AP3B1: variants seen among roughly 807,000 people sequenced by gnomAD.
AP3B1 encodes adaptor related protein complex 3 subunit beta 1.
A neutral mutation model predicts 132.5 loss-of-function variants in AP3B1; 61 were observed. That is an observed-to-expected ratio of 0.46 (90% CI 0.37 to 0.57). The LOEUF is 0.57. AP3B1 is among the 20% of genes least tolerant of loss of function. The pLI, the probability that AP3B1 is intolerant of heterozygous loss-of-function variation, is 0.00. For synonymous variants in AP3B1, 388 were observed against 438.3 expected, an observed-to-expected ratio of 0.89 and a Z score of 1.43; for missense variants, 1,120 against 1,289.4, an observed-to-expected ratio of 0.87 and a Z score of 2.01.
At chr5:78,183,972 A>C (rs1055063826) in intron 7 of AP3B1, among the ~76,000 whole-genome samples, 1 of 151,736 alleles carries the variant, frequency 6.6e-6, no homozygotes. Context: ...GTTAGAGACC[A>C]GCCTGGCCAA....
chr5:78,292,521 G>A (rs1474058745), intron 1 of AP3B1, among the ~76,000 whole-genome samples: 1 of 152,192 alleles, frequency 6.6e-6, no homozygotes, highest in African/African-American at 2.4e-5. Context: ...TTCAAATTCA[G>A]GCAGTGCAAT....
intron 7 of AP3B1, among the ~76,000 whole-genome samples, chr5:78,190,984 T>C (rs1744802863): frequency 6.6e-6 from 1 of 152,174 alleles, no homozygotes; most frequent in Non-Finnish European, 1.5e-5. Flanking sequence ...CTGCTTCATT[T>C]TGAACCATAA....
At chr5:78,196,802 T>C (rs1745093217) in intron 7 of AP3B1, among the ~76,000 whole-genome samples, 1 of 152,214 alleles carries the variant, frequency 6.6e-6, no homozygotes, top group Admixed American at 6.5e-5. Context: ...TCCAGCTATA[T>C]GATATTTTGG....
intron 22 of AP3B1, among the ~76,000 whole-genome samples, chr5:78,052,710 T>C (rs1748633952): frequency 6.6e-6 from 1 of 152,178 alleles, no homozygotes; most frequent in Non-Finnish European, 1.5e-5. Context: ...GAAATTAATA[T>C]CCCATTCTTT....
At chr5:78,269,029 C>T (rs1037091190) in intron 1 of AP3B1, among the ~76,000 whole-genome samples, 5 of 152,182 alleles carry the variant, frequency 3.3e-5, no homozygotes, top group African/African-American at 1.2e-4. Flanking sequence ...ACTTTACCCT[C>T]AAAATACATT....
In AP3B1 at chr5:78,002,430, T is replaced by C. The variant is rs1746225373; in HGVS notation, c.*472A>G. ...ATCAAGAAATTCAAAGAACAAAATC[T>C]TGCAGAGACTATGCTTTTGTATTTG... is the stretch of plus-strand genomic sequence containing the variant. On this transcript the variant is annotated 3_prime_UTR_variant, in exon 27 of 27. Transcript: ENST00000255194. 1.2e-5 allele frequency: 5 copies of C among 403,038 alleles called. No individual in the cohort carries two copies. Among genetic ancestry groups the C allele is most frequent in the Admixed American group, 4.2e-5 (1 of 23,624 alleles). The allele number at this position is 403,038 out of a possible 1,614,324, so 25.0% of individuals were successfully genotyped here.
At chr5:78,259,832 T>G (rs1748007607) in intron 2 of AP3B1, among the ~76,000 whole-genome samples, 1 of 151,758 alleles carries the variant, frequency 6.6e-6, no homozygotes, top group South Asian at 2.1e-4. Flanking sequence ...TGGCTGGGTG[T>G]GGTGGTGGGC....
chr5:78,169,452 T>C (rs1743808661), intron 11 of AP3B1, among the ~76,000 whole-genome samples: 1 of 152,126 alleles, frequency 6.6e-6, no homozygotes, highest in Non-Finnish European at 1.5e-5. Context: ...TAAAATAAGT[T>C]AGTTAGAGAC....
At chr5:78,072,210 G>T (rs1011863854) in intron 22 of AP3B1, among the ~76,000 whole-genome samples, 3 of 151,988 alleles carry the variant, frequency 2.0e-5, no homozygotes, top group African/African-American at 7.3e-5. Flanking sequence ...CTCAACTTCT[G>T]AATTATTGAA....
chr5:78,011,707 C>T (rs1746633290), intron 26 of AP3B1, among the ~76,000 whole-genome samples: 1 of 152,120 alleles, frequency 6.6e-6, no homozygotes, highest in African/African-American at 2.4e-5. Flanking sequence ...CATACTACTC[C>T]ACATTAATAA....
intron 13 of AP3B1, among the ~76,000 whole-genome samples, chr5:78,158,021 T>C (rs1176404311): frequency 6.6e-6 from 1 of 152,200 alleles, no homozygotes; most frequent in Admixed American, 6.5e-5. Context: ...AGTGCTGGGA[T>C]TACCGGTGTG....
intron 19 of AP3B1, among the ~76,000 whole-genome samples, chr5:78,112,091 T>A (rs933338287): frequency 6.6e-6 from 1 of 152,102 alleles, no homozygotes; most frequent in Non-Finnish European, 1.5e-5. Context: ...TAAAGCTTAT[T>A]AGGAGCTTTA....
intron 22 of AP3B1, among the ~76,000 whole-genome samples, chr5:78,059,555 A>ACTCAGCTTT (rs11281800): frequency 0.26 from 39,902 of 151,738 alleles, 5,954 homozygotes; most frequent in Admixed American, 0.39. Flanking sequence ...AAGCAACAAA[A>ACTCAGCTTT]CTCCGCAGTA....
intron 22 of AP3B1, among the ~76,000 whole-genome samples, chr5:78,053,678 CAAAAAAAAA>C (rs1166305470): frequency 2.6e-5 from 2 of 75,590 alleles, no homozygotes; most frequent in African/African-American, 5.9e-5. Context: ...GACTCCATCT[CAAAAAAAAA>C]AAAAAAAAAA....
At chr5:78,239,105 CAA>C (rs1425748637) in intron 3 of AP3B1, among the ~76,000 whole-genome samples, 1 of 151,496 alleles carries the variant, frequency 6.6e-6, no homozygotes, top group Non-Finnish European at 1.5e-5. Context: ...CAGGAAAACC[CAA>C]AGAGTTATGC....
At chr5:78,262,572 T>G (rs1176603813) in intron 2 of AP3B1, among the ~76,000 whole-genome samples, 2 of 152,234 alleles carry the variant, frequency 1.3e-5, no homozygotes, top group East Asian at 1.9e-4. Flanking sequence ...CTCCCTATTG[T>G]GTTCCATTGG....
At chr5:78,152,229 T>C (rs1272906594) in intron 14 of AP3B1, among the ~76,000 whole-genome samples, 7 of 151,294 alleles carry the variant, frequency 4.6e-5, no homozygotes, top group Non-Finnish European at 8.8e-5. Context: ...TCTTCTGTTT[T>C]TTGGAATAGT....
At chr5:78,120,785 G>A (rs547287976) in intron 17 of AP3B1, among the ~76,000 whole-genome samples, 46 of 152,202 alleles carry the variant, frequency 3.0e-4, no homozygotes, top group Non-Finnish European at 2.2e-4. Flanking sequence ...ACAGATCAAC[G>A]AGACAGAAAT....
At chr5:78,035,857 T>C (rs1392334439) in intron 23 of AP3B1, among the ~76,000 whole-genome samples, 6 of 152,238 alleles carry the variant, frequency 3.9e-5, no homozygotes, top group Middle Eastern at 3.4e-3. Flanking sequence ...ATGATACATA[T>C]GTTTTTTTCA....
Sources: gnomAD v4.1 joint callset for allele counts (sites outside exome capture counted in the v4.1 genomes callset) on GRCh38, gnomAD v4.1.1 for gene constraint, MANE v1.5 for transcripts, NCBI Gene and HGNC (gene_info 2026-07-23, HGNC 2026-07-21) for gene names.